Variants in UTS2R observed in about 807,000 individuals in gnomAD.
UTS2R encodes urotensin-2 receptor.
For synonymous variants in UTS2R, 335 were observed against 280.9 expected (o/e 1.19, Z -1.93); for missense variants, 653 against 562.2 (o/e 1.16, Z -1.63).
rs781690235 is a variant in UTS2R, at chr17:82,374,345, C to A, written c.21C>A (p.Ser7=). The A allele has an allele frequency of 6.3e-6, 10 of 1,579,282 alleles. No homozygotes were observed. Among genetic ancestry groups the A allele is most frequent in the Admixed American group, 3.4e-5 (2 of 58,032 alleles). The stretch of plus-strand genomic sequence containing the variant: ...CAGAGATGGCGCTGACCCCCGAGTC[C>A]CCGAGCAGCTTCCCTGGGCTGGCCG... MALTPE[S]PSSFPGLAAT... is the part of the protein sequence containing the mutation. Residue 7 remains serine, a synonymous_variant, in exon 3 of 3, where the codon TCC becomes TCA. Coordinates refer to ENST00000313135, the MANE Select transcript of UTS2R (RefSeq NM_018949.3).
At chr17:82,373,895 G>A (rs1314583359) in intron 2 of UTS2R, among the ~76,000 whole-genome samples, 3 of 152,246 alleles carry the variant, frequency 2.0e-5, no homozygotes, top group African/African-American at 7.2e-5. Context: ...AGGCCTGGGG[G>A]GGCGCAATGG....
Position 82,374,935 on chromosome 17 carries a change from G to T in UTS2R, c.611G>T (p.Gly204Val). ...GPKSLCLPAW[G>V]PRAHRAYLTL... ...AAGAGCCTGTGCCTGCCCGCCTGGG[G>T]CCCGCGCGCCCACCGCGCCTACCTG... Residue 204 changes from glycine to valine, a missense_variant, in exon 3 of 3, where the codon GGC (glycine) becomes GTC (valine). Physicochemically the swap from Gly to Val is moderately radical, Grantham distance 109. Coordinates refer to ENST00000313135, the MANE Select transcript of UTS2R (RefSeq NM_018949.3). The T allele has an allele frequency of 9.1e-7, 1 of 1,094,234 alleles. No individual in the cohort carries two copies. Among genetic ancestry groups the T allele is most frequent in the South Asian group, 1.4e-5 (1 of 72,034 alleles). 67.8% of individuals were successfully genotyped at this position (1,094,234 alleles called of 1,614,324 possible).
chr17:82,374,191 A>T (rs117408261), intron 2 of UTS2R, 52 bp from the exon 3 acceptor site: 237 of 699,746 alleles, frequency 3.4e-4, no homozygotes, highest in Non-Finnish European at 5.0e-4. Context: ...AGGCCATCAC[A>T]GTGGCCTCCT....
chr17:82,374,597 C>G lies in UTS2R; in HGVS notation c.273C>G (p.Val91=), dbSNP rs574695578. The stretch of plus-strand genomic sequence containing the variant: ...TGGCCTCCATGTACGTCTACGTGGT[C>G]AACCTGGCGCTGGCCGACCTGCTGT... ...RAVASMYVYV[V]NLALADLLYL... is the part of the protein sequence containing the mutation. Residue 91 remains valine (V), a synonymous_variant, in exon 3 of 3, where the codon GTC becomes GTG. Coordinates refer to ENST00000313135, the MANE Select transcript of UTS2R (RefSeq NM_018949.3). 6.2e-7 allele frequency: 1 copy of G among 1,608,134 alleles called. No individual in the cohort carries two copies. The highest frequency in any genetic ancestry group is 8.5e-7 in the Non-Finnish European group (1 of 1,177,692).
rs1169963392 is a variant in UTS2R at position 82,375,409 on chromosome 17, G to T, written c.1085G>T (p.Cys362Phe). 2.5e-6 allele frequency: 4 copies of T among 1,575,976 alleles called. No homozygotes were observed. The Admixed American group carries it at 7.0e-5, about 28-fold the overall frequency. The change falls in exon 3 of 3, where the codon TGC becomes TTC. Residue 362 changes from cysteine (C) to phenylalanine (F), a missense_variant. By Grantham distance (205) the Cys-to-Phe change is radical. Transcript: ENST00000313135. ...QRCSGRSLSSCSPQPTDSLVL... is the reference protein window; with the variant it reads ...QRCSGRSLSSFSPQPTDSLVL... Reference sequence around the variant, plus strand: ...TGTTCGGGCCGCTCCCTGTCTTCCTGCAGCCCACAGCCCACTGACAGCCTC... The same window carrying T: ...TGTTCGGGCCGCTCCCTGTCTTCCTTCAGCCCACAGCCCACTGACAGCCTC...
Position 82,374,379 on chromosome 17 carries a change from A to G in UTS2R, c.55A>G (p.Ser19Gly), listed in dbSNP as rs751618889. 3 of 1,588,634 alleles carry G rather than the reference A, an allele frequency of 1.9e-6. No homozygotes were observed. Among genetic ancestry groups the G allele is most frequent in the Non-Finnish European group, 8.5e-7 (1 of 1,174,056 alleles). ...CTTCCCTGGGCTGGCCGCCACTGGC[A>G]GCTCTGTGCCGGAGCCGCCTGGCGG... The part of the protein sequence containing the change: ...SSFPGLAATG[S>G]SVPEPPGGPN... The change falls in exon 3 of 3, where the codon AGC (serine) becomes GGC (glycine). Residue 19 changes from serine (S) to glycine (G), a missense_variant. Ser to Gly is a moderately conservative substitution (Grantham distance 56). Coordinates refer to ENST00000313135, the MANE Select transcript of UTS2R (RefSeq NM_018949.3).
rs963912220 is a variant in UTS2R at position 82,377,055 on chromosome 17, G to A, written c.*1561G>A. ...AAGGTGGGGAAAAGATTGAGAAATC[G>A]GATGGTTGCCGTGTCTGTGTAGAAA... On this transcript the variant is annotated 3_prime_UTR_variant, in exon 3 of 3. Coordinates refer to ENST00000313135, the MANE Select transcript of UTS2R (RefSeq NM_018949.3). 3.3e-5 allele frequency among the ~76,000 whole-genome samples: 5 copies of A among 152,240 alleles called. No homozygotes were observed. The highest frequency in any genetic ancestry group is 4.8e-5 in the African/African-American group (2 of 41,458).
At chr17:82,374,024 G>T (rs892747050) in intron 2 of UTS2R, among the ~76,000 whole-genome samples, 2 of 151,390 alleles carry the variant, frequency 1.3e-5, no homozygotes, top group African/African-American at 2.4e-5. Flanking sequence ...CCTACAGTGA[G>T]GGGGGGGCAG....
In UTS2R at chr17:82,376,436, C is replaced by G. The variant is rs982455634; in HGVS notation, c.*942C>G. 6.6e-6 allele frequency among the ~76,000 whole-genome samples: 1 copy of G among 152,156 alleles called. No individual in the cohort carries two copies. Among genetic ancestry groups the G allele is most frequent in the Non-Finnish European group, 1.5e-5 (1 of 68,002 alleles). On this transcript the variant is annotated 3_prime_UTR_variant, in exon 3 of 3. Transcript: ENST00000313135. Reference sequence around the variant, plus strand: ...CCCCAGCCTGGCCTCCCCTCCCCACCCCATGGCCATGCCCAGACTACCAGC... The same window carrying G: ...CCCCAGCCTGGCCTCCCCTCCCCACGCCATGGCCATGCCCAGACTACCAGC...
At chr17:82,373,485 C>T (rs1411613308) in intron 2 of UTS2R, among the ~76,000 whole-genome samples, 1 of 152,204 alleles carries the variant, frequency 6.6e-6, no homozygotes, top group Admixed American at 6.5e-5. Context: ...CTGATGATCT[C>T]CTAGCCTGTG....
rs983776217 is a variant in UTS2R at position 82,375,623 on chromosome 17, C to A, written c.*129C>A. The A allele has an allele frequency of 5.9e-6, 3 of 506,032 alleles. No homozygotes were observed. Among genetic ancestry groups the A allele is most frequent in the Non-Finnish European group, 1.0e-5 (3 of 292,064 alleles). The allele number at this position is 506,032 out of a possible 1,614,324, so 31.3% of individuals were successfully genotyped here. A position where few individuals can be genotyped will look rare whatever the true frequency, so the allele number is the denominator to read the frequency against. On this transcript the variant is annotated 3_prime_UTR_variant, in exon 3 of 3. Coordinates refer to ENST00000313135, the MANE Select transcript of UTS2R (RefSeq NM_018949.3). ...CGTCCCCTTCTGGAAAGATCCTGCT[C>A]GCTTCCCCTCAGCGCCCTTCCCGTG...
chr17:82,376,869 C>A lies in UTS2R; in HGVS notation c.*1375C>A, dbSNP rs2052500712. ...GGGGTCAGCCCCCCGCCCGGCCAGCCACCCCGTCCGGGAGGTGAGGGGCGC... is the reference window on the plus strand; with the variant it reads ...GGGGTCAGCCCCCCGCCCGGCCAGCAACCCCGTCCGGGAGGTGAGGGGCGC... On this transcript the variant is annotated 3_prime_UTR_variant, in exon 3 of 3. Transcript: ENST00000313135. Among the ~76,000 whole-genome samples the A allele has an allele frequency of 6.6e-6, 1 of 152,224 alleles. No individual in the cohort carries two copies. The highest frequency in any genetic ancestry group is 6.5e-5 in the Admixed American group (1 of 15,286).
rs764280981 is a variant in UTS2R, at chr17:82,374,376, G to T, written c.52G>T (p.Gly18Cys). Reference sequence around the variant, plus strand: ...CAGCTTCCCTGGGCTGGCCGCCACTGGCAGCTCTGTGCCGGAGCCGCCTGG... The same window carrying T: ...CAGCTTCCCTGGGCTGGCCGCCACTTGCAGCTCTGTGCCGGAGCCGCCTGG... ...PSSFPGLAAT[G>C]SSVPEPPGGP... Residue 18 changes from glycine to cysteine, a missense_variant, in exon 3 of 3, where the codon GGC becomes TGC. Physicochemically the swap from Gly to Cys is radical, Grantham distance 159. Coordinates refer to ENST00000313135, the MANE Select transcript of UTS2R (RefSeq NM_018949.3). 6.3e-7 allele frequency: 1 copy of T among 1,588,194 alleles called. No individual in the cohort carries two copies. The highest frequency in any genetic ancestry group is 1.1e-5 in the South Asian group (1 of 88,916).
chr17:82,375,121 T>C lies in UTS2R; in HGVS notation c.797T>C (p.Leu266Pro), dbSNP rs761456731. 28 of 1,510,710 alleles carry C rather than the reference T, an allele frequency of 1.9e-5. No individual in the cohort carries two copies. The Admixed American group carries it at 4.3e-4, about 23-fold the overall frequency. The allele number at this position is 1,510,710 out of a possible 1,614,324, so 93.6% of individuals were successfully genotyped here. A position where few individuals can be genotyped will look rare whatever the true frequency, so the allele number is the denominator to read the frequency against. ...CGCCTGGTGCTGGGCATCGTGCTGC[T>C]CTTCTGGGCCTGCTTCCTGCCCTTC... ...ALRLVLGIVL[L>P]FWACFLPFWL... The change falls in exon 3 of 3, where the codon CTC becomes CCC. Residue 266 changes from leucine (L) to proline (P), a missense_variant. Leu to Pro is a moderately conservative substitution (Grantham distance 98). Coordinates refer to ENST00000313135, the MANE Select transcript of UTS2R (RefSeq NM_018949.3).
rs2052492226 is a variant in UTS2R, at chr17:82,375,816, A to G, written c.*322A>G. Reference sequence around the variant, plus strand: ...CCCCGGGACCCTCCTCCTCTCAGCCAGCGGCCCTGTGACTCCTGTTCCTGC... The same window carrying G: ...CCCCGGGACCCTCCTCCTCTCAGCCGGCGGCCCTGTGACTCCTGTTCCTGC... On this transcript the variant is annotated 3_prime_UTR_variant, in exon 3 of 3. Transcript: ENST00000313135. Among the ~76,000 whole-genome samples, 1 of 152,246 alleles carries G rather than the reference A, an allele frequency of 6.6e-6. No homozygotes were observed.
rs925053993 is a variant in UTS2R at position 82,374,273 on chromosome 17, C to T, written c.-52C>T. On this transcript the variant is annotated 5_prime_UTR_variant, in exon 3 of 3. Coordinates refer to ENST00000313135, the MANE Select transcript of UTS2R (RefSeq NM_018949.3). ...GCTGGTTGCCCACAGGGGCCCCCGC[C>T]CCATCTCAGGGAGTGTCCACCCAGC... 30 of 1,431,738 alleles carry T rather than the reference C, an allele frequency of 2.1e-5. No homozygotes were observed. The South Asian group carries it at 4.1e-4, about 20-fold the overall frequency. The allele number at this position is 1,431,738 out of a possible 1,614,324, so 88.7% of individuals were successfully genotyped here.
chr17:82,375,467 G>T lies in UTS2R; in HGVS notation c.1143G>T (p.Ala381=), dbSNP rs750109402. ...VLAPAAPARP[A]PEGPRAPA ...CCCCAGCGGCCCCGGCCCGACCTGC[G>T]CCCGAGGGTCCCAGGGCCCCGGCGT... Residue 381 remains alanine, a synonymous_variant, in exon 3 of 3, where the codon GCG becomes GCT. Transcript: ENST00000313135. The T allele has an allele frequency of 1.0e-5, 15 of 1,484,344 alleles. No individual in the cohort carries two copies. Among genetic ancestry groups the T allele is most frequent in the Non-Finnish European group, 1.3e-5 (15 of 1,112,352 alleles). 91.9% of individuals were successfully genotyped at this position (1,484,344 alleles called of 1,614,324 possible).
In UTS2R at chr17:82,375,117, C is replaced by A. The variant is rs768072912; in HGVS notation, c.793C>A (p.Leu265Met). The change falls in exon 3 of 3, where the codon CTG becomes ATG. Residue 265 changes from leucine to methionine, a missense_variant. Coordinates refer to ENST00000313135, the MANE Select transcript of UTS2R (RefSeq NM_018949.3). ...GCTGCGCCTGGTGCTGGGCATCGTG[C>A]TGCTCTTCTGGGCCTGCTTCCTGCC... ...RALRLVLGIV[L>M]LFWACFLPFW... is the part of the protein sequence containing the mutation. 48 of 1,507,336 alleles carry A rather than the reference C, an allele frequency of 3.2e-5. No homozygotes were observed. In the East Asian group the frequency reaches 1.3e-3, roughly 42 times the overall value. The allele number at this position is 1,507,336 out of a possible 1,614,324, so 93.4% of individuals were successfully genotyped here.
chr17:82,373,705 T>G (rs1390813506), intron 2 of UTS2R, among the ~76,000 whole-genome samples: 3 of 152,246 alleles, frequency 2.0e-5, no homozygotes, highest in Non-Finnish European at 2.9e-5. Flanking sequence ...TTTCCCTGTA[T>G]GAGAAATGGA....
Sources: gnomAD v4.1 joint callset for allele counts (sites outside exome capture counted in the v4.1 genomes callset) on GRCh38, gnomAD v4.1.1 for gene constraint, MANE v1.5 for transcripts, NCBI Gene and HGNC (gene_info 2026-07-23, HGNC 2026-07-21) for gene names.